Variants in VTI1A observed in about 807,000 individuals in gnomAD.
VTI1A encodes vesicle transport through interaction with t-SNAREs 1A, also known as vesicle transport through interaction with t-SNAREs homolog 1A.
In VTI1A, 22 loss-of-function variants were observed where a neutral mutation model predicts 34.9. The observed-to-expected ratio is 0.63, with a 90% CI of 0.45 to 0.90. VTI1A has a LOEUF of 0.90. Among genes scored for constraint, VTI1A ranks in the 40% least tolerant of loss-of-function variants. The probability of loss-of-function intolerance (pLI) is 0.00; values close to 1 mark genes in which losing one functional copy is unlikely to be tolerated. For synonymous variants in VTI1A, 87 were observed against 97.3 expected (o/e 0.89, Z 0.62); for missense variants, 268 against 275.6 (o/e 0.97, Z 0.20).
At chr10:112,628,679 C>G (rs1483446987) in intron 5 of VTI1A, among the ~76,000 whole-genome samples, 1 of 152,144 alleles carries the variant, frequency 6.6e-6, no homozygotes, top group Non-Finnish European at 1.5e-5. Flanking sequence ...TTGGATCATC[C>G]ATTTAATCTT....
intron 7 of VTI1A, among the ~76,000 whole-genome samples, chr10:112,760,000 G>A (rs1851405943): frequency 6.6e-6 from 1 of 152,192 alleles, no homozygotes; most frequent in African/African-American, 2.4e-5. Context: ...TTCCCAATGG[G>A]GAATACTGGA....
At chr10:112,765,337 G>A (rs191095959) in intron 7 of VTI1A, among the ~76,000 whole-genome samples, 156 of 152,208 alleles carry the variant, frequency 1.0e-3, no homozygotes, top group African/African-American at 3.5e-3. Context: ...AGCTTCCCAC[G>A]TAGCTGAGAT....
At chr10:112,614,306 C>T (rs1345351563) in intron 5 of VTI1A, among the ~76,000 whole-genome samples, 1 of 152,184 alleles carries the variant, frequency 6.6e-6, no homozygotes, top group African/African-American at 2.4e-5. Context: ...GTGTTGTTTA[C>T]TCATGCCCTT....
chr10:112,562,828 TC>T (rs1419354100), intron 5 of VTI1A, among the ~76,000 whole-genome samples: 1 of 152,152 alleles, frequency 6.6e-6, no homozygotes, highest in African/African-American at 2.4e-5. Context: ...AATAAAATTT[TC>T]CCTAATCGGG....
chr10:112,450,233 A>G (rs1847185244), intron 1 of VTI1A: 1 of 152,210 alleles, frequency 6.6e-6, no homozygotes, highest in African/African-American at 2.4e-5. Flanking sequence ...CCTCTTAATA[A>G]TGACTTGTGC....
At position 112,505,558 on chromosome 10, in the gene VTI1A, T is replaced by G. The variant is rs187397805; in HGVS notation, c.265-21529T>G. 5.3e-5 allele frequency among the ~76,000 whole-genome samples: 8 copies of G among 152,346 alleles called. No individual in the cohort carries two copies. In the East Asian group the frequency reaches 1.3e-3, roughly 26 times the overall value. On this transcript the variant is annotated intron_variant, in intron 3 of 7. Transcript: ENST00000393077. ...GTTAGTGGTCACTTTATTGTCTTTT[T>G]TTAAAACAGCTTTATTGAGATATAC...
intron 5 of VTI1A, among the ~76,000 whole-genome samples, chr10:112,625,735 C>G (rs890462168): frequency 3.3e-5 from 5 of 150,792 alleles, no homozygotes; most frequent in Non-Finnish European, 5.9e-5. Flanking sequence ...ACGCAATGGA[C>G]TTTGGGGACT....
At chr10:112,708,471 A>G (rs547929572) in intron 7 of VTI1A, among the ~76,000 whole-genome samples, 7 of 152,360 alleles carry the variant, frequency 4.6e-5, no homozygotes, top group Admixed American at 1.3e-4. Context: ...TATTTCTTAC[A>G]TAGAAGACTG....
At chr10:112,792,239 T>C (rs1246821613) in intron 7 of VTI1A, among the ~76,000 whole-genome samples, 2 of 152,162 alleles carry the variant, frequency 1.3e-5, no homozygotes, top group Non-Finnish European at 2.9e-5. Context: ...TGTACCACTA[T>C]ACTCCAGCCT....
chr10:112,559,274 A>ACAT (rs1320364944), intron 5 of VTI1A, among the ~76,000 whole-genome samples: 1 of 152,240 alleles, frequency 6.6e-6, no homozygotes, highest in East Asian at 1.9e-4. Context: ...GAGCAGAGAT[A>ACAT]CTTCTAAATT....
chr10:112,761,939 G>T (rs1851483622), intron 7 of VTI1A, among the ~76,000 whole-genome samples: 1 of 152,084 alleles, frequency 6.6e-6, no homozygotes, highest in African/African-American at 2.4e-5. Flanking sequence ...AGTAAATAAA[G>T]TCTTTTACAG....
intron 7 of VTI1A, among the ~76,000 whole-genome samples, chr10:112,770,796 C>T (rs1289689116): frequency 6.6e-6 from 1 of 152,114 alleles, no homozygotes; most frequent in Non-Finnish European, 1.5e-5. Context: ...CTCCTTAAAA[C>T]TCACCCAGTA....
chr10:112,827,984 A>C, the VTI1A span, among the ~76,000 whole-genome samples: 1 of 152,194 alleles, frequency 6.6e-6, no homozygotes, highest in African/African-American at 2.4e-5. Flanking sequence ...CTGAGCTCTC[A>C]TTCTCTCACT....
chr10:112,599,905 GAAT>G (rs1844817765), intron 5 of VTI1A, among the ~76,000 whole-genome samples: 1 of 152,092 alleles, frequency 6.6e-6, no homozygotes, highest in South Asian at 2.1e-4. Flanking sequence ...TGCTCAAAAC[GAAT>G]AATAACGTTC....
chr10:112,492,771 C>G (rs1332829173), intron 3 of VTI1A, among the ~76,000 whole-genome samples: 1 of 144,172 alleles, frequency 6.9e-6, no homozygotes, highest in Admixed American at 7.1e-5. Flanking sequence ...TGGCAACAGT[C>G]TCAAAAAAAA....
At chr10:112,736,860 A>G in intron 7 of VTI1A, 1 of 859,636 alleles carries the variant, frequency 1.2e-6, no homozygotes, top group Non-Finnish European at 1.9e-6. Flanking sequence ...CCCTGGACGG[A>G]AAATGAGTAG....
rs141667097 is a variant in VTI1A at position 112,615,491 on chromosome 10, C to T, written c.428-52727C>T. Among the ~76,000 whole-genome samples, 907 of 152,250 alleles carry T rather than the reference C, an allele frequency of 6.0e-3. 3 individuals are homozygous for T. Among genetic ancestry groups the T allele is most frequent in the Non-Finnish European group, 9.9e-3 (674 of 68,020 alleles). On this transcript the variant is annotated intron_variant, in intron 5 of 7. Coordinates refer to ENST00000393077, the MANE Select transcript of VTI1A (RefSeq NM_145206.4). ...AACACATATTTTTGAGGCCCTATTA[C>T]GTGGCAGACACTTGTTAGGTACAGG...
chr10:112,504,353 G>A (rs1849349392), intron 3 of VTI1A, among the ~76,000 whole-genome samples: 4 of 151,946 alleles, frequency 2.6e-5, no homozygotes, highest in Admixed American at 6.6e-5. Flanking sequence ...AAATACAAGC[G>A]TATATTCTCC....
intron 7 of VTI1A, among the ~76,000 whole-genome samples, chr10:112,745,783 C>T (rs1423295496): frequency 1.3e-5 from 2 of 152,126 alleles, no homozygotes; most frequent in African/African-American, 4.8e-5. Context: ...ATTGCTAAGA[C>T]CTCTTTCAGG....
Sources: allele counts gnomAD v4.1 joint callset (sites outside exome capture counted in the v4.1 genomes callset), GRCh38; gene constraint gnomAD v4.1.1; transcripts MANE v1.5; gene names NCBI Gene and HGNC (gene_info 2026-07-23, HGNC 2026-07-21).